Variants in EXOC4 observed in about 807,000 individuals in gnomAD.
The protein encoded by EXOC4 is exocyst complex component 4, also known as SEC8-like 1.
In EXOC4, 71 loss-of-function variants were observed where a neutral mutation model predicts 107.2. The ratio of observed to expected loss-of-function variants is 0.66; its 90% CI spans 0.55 to 0.81. The LOEUF is 0.81. Ranked by LOEUF, EXOC4 falls within the 30% of genes least tolerant of loss-of-function variation. The pLI is 0.00. For missense variants in EXOC4, 1,108 were observed against 1,189.6 expected, an observed-to-expected ratio of 0.93 and a Z score of 1.01; for synonymous variants, 456 against 441.2, an observed-to-expected ratio of 1.03 and a Z score of -0.42.
At chr7:133,976,112 C>G (rs1793826847) in intron 14 of EXOC4, among the ~76,000 whole-genome samples, 1 of 152,128 alleles carries the variant, frequency 6.6e-6, no homozygotes, top group South Asian at 2.1e-4. Context: ...ACACTAAAGC[C>G]TAGAATGACT....
rs143359511 is a variant in EXOC4, at chr7:133,865,808, G to A, written c.1735-29791G>A. On this transcript the variant is annotated intron_variant, in intron 11 of 17. Coordinates refer to ENST00000253861, the MANE Select transcript of EXOC4 (RefSeq NM_021807.4). ...TAACTATCACGAGAACATCAAGGGG[G>A]AAATCCACCTGCATGATCCAATCAC... is the stretch of plus-strand genomic sequence containing the variant. Among the ~76,000 whole-genome samples, 1,284 of 152,238 alleles carry A rather than the reference G, an allele frequency of 8.4e-3. 19 individuals are homozygous for A. The highest frequency in any genetic ancestry group is 0.03 in the African/African-American group (1,228 of 41,522).
At chr7:133,460,260 G>C (rs939451410) in intron 7 of EXOC4, among the ~76,000 whole-genome samples, 1 of 152,144 alleles carries the variant, frequency 6.6e-6, no homozygotes, top group Admixed American at 6.5e-5. Context: ...TGCTGCTGAC[G>C]GGAGGTGGAG....
At chr7:133,474,517 T>C (rs1798961881) in intron 7 of EXOC4, among the ~76,000 whole-genome samples, 1 of 151,632 alleles carries the variant, frequency 6.6e-6, no homozygotes. Context: ...TTCACTATGT[T>C]GGTCAGGCTG....
At chr7:134,008,649 A>AT (rs1176618176) in intron 17 of EXOC4, among the ~76,000 whole-genome samples, 3 of 151,142 alleles carry the variant, frequency 2.0e-5, no homozygotes, top group South Asian at 2.1e-4. Flanking sequence ...TCTGATCTTA[A>AT]TTTTTTTTTA....
intron 10 of EXOC4, among the ~76,000 whole-genome samples, chr7:133,650,742 T>C (rs1473209465): frequency 6.6e-6 from 1 of 152,138 alleles, no homozygotes; most frequent in East Asian, 1.9e-4. Flanking sequence ...TCATAAGATG[T>C]AATCAGCAAC....
At chr7:133,614,909 G>A (rs1266045031) in intron 9 of EXOC4, among the ~76,000 whole-genome samples, 3 of 151,384 alleles carry the variant, frequency 2.0e-5, no homozygotes, top group Admixed American at 6.6e-5. Context: ...AAGACAACTT[G>A]ATGGTGTTGA....
intron 17 of EXOC4, among the ~76,000 whole-genome samples, chr7:134,028,780 G>A (rs991855839): frequency 8.5e-5 from 13 of 152,234 alleles, no homozygotes; most frequent in African/African-American, 2.7e-4. Flanking sequence ...TGATAAGAGA[G>A]AATCTCTATA....
At chr7:134,078,519 A>C in the EXOC4 span, among the ~76,000 whole-genome samples, 1 of 152,138 alleles carries the variant, frequency 6.6e-6, no homozygotes, top group African/African-American at 2.4e-5. Flanking sequence ...CATCCTCAGC[A>C]GTAAGTGTTT....
intron 9 of EXOC4, among the ~76,000 whole-genome samples, chr7:133,501,650 CTT>C (rs1799578143): frequency 6.6e-6 from 1 of 152,040 alleles, no homozygotes; most frequent in Non-Finnish European, 1.5e-5. Flanking sequence ...AGGGAAACCT[CTT>C]TAAAAAAATG....
intron 14 of EXOC4, among the ~76,000 whole-genome samples, chr7:133,950,158 T>G (rs1307585448): frequency 1.3e-5 from 2 of 152,186 alleles, no homozygotes; most frequent in Non-Finnish European, 2.9e-5. Flanking sequence ...ATCAGAACTA[T>G]TATATTATAG....
At chr7:134,017,335 A>T (rs1169253124) in intron 17 of EXOC4, among the ~76,000 whole-genome samples, 1 of 152,174 alleles carries the variant, frequency 6.6e-6, no homozygotes, top group Admixed American at 6.5e-5. Flanking sequence ...TAATAGTGAT[A>T]AAAAGCTAAC....
chr7:133,653,320 C>T (rs1803207511), intron 10 of EXOC4, among the ~76,000 whole-genome samples: 1 of 152,068 alleles, frequency 6.6e-6, no homozygotes, highest in Non-Finnish European at 1.5e-5. Flanking sequence ...CCCTAAAGAC[C>T]AATTGCCATG....
intron 11 of EXOC4, among the ~76,000 whole-genome samples, chr7:133,825,854 C>T (rs1176858916): frequency 6.6e-6 from 1 of 151,832 alleles, no homozygotes; most frequent in Non-Finnish European, 1.5e-5. Flanking sequence ...TTTTTTTCCC[C>T]CTGTAAGCTC....
chr7:133,350,178 A>G (rs796511459), intron 5 of EXOC4, among the ~76,000 whole-genome samples: 3 of 152,032 alleles, frequency 2.0e-5, no homozygotes, highest in Admixed American at 6.6e-5. Context: ...TAAAATTTTC[A>G]TGCAGTCCAA....
chr7:134,039,860 A>T (rs1395992188), intron 17 of EXOC4, among the ~76,000 whole-genome samples: 1 of 152,086 alleles, frequency 6.6e-6, no homozygotes, highest in Non-Finnish European at 1.5e-5. Context: ...TAGCAACTCT[A>T]CTTCCAAGTT....
chr7:133,534,297 T>C (rs917820628), intron 9 of EXOC4, among the ~76,000 whole-genome samples: 1 of 152,176 alleles, frequency 6.6e-6, no homozygotes, highest in Non-Finnish European at 1.5e-5. Context: ...AGTAAACATA[T>C]GTTTTTGTTC....
chr7:133,979,109 T>C (rs532262337), intron 14 of EXOC4, among the ~76,000 whole-genome samples: 2 of 152,238 alleles, frequency 1.3e-5, no homozygotes, highest in Non-Finnish European at 2.9e-5. Flanking sequence ...TTCAGCTGTT[T>C]TAAGCCTTAG....
chr7:133,567,783 A>G (rs1007280063), intron 9 of EXOC4, among the ~76,000 whole-genome samples: 1 of 152,194 alleles, frequency 6.6e-6, no homozygotes, highest in African/African-American at 2.4e-5. Context: ...GGAGACAGAA[A>G]TATGGGCCTG....
chr7:133,547,842 C>T (rs62469986), intron 9 of EXOC4, among the ~76,000 whole-genome samples: 28,197 of 151,980 alleles, frequency 0.19, 2,856 homozygotes, highest in African/African-American at 0.21. Flanking sequence ...TCTGAATCAT[C>T]GATGAGGTTT....
Sources: gnomAD v4.1 joint callset for allele counts (sites outside exome capture counted in the v4.1 genomes callset) on GRCh38, gnomAD v4.1.1 for gene constraint, MANE v1.5 for transcripts, NCBI Gene and HGNC (gene_info 2026-07-23, HGNC 2026-07-21) for gene names.